The following ATM variants were observed in gnomAD, a reference collection of about 807,000 sequenced individuals.
ATM encodes ATM serine/threonine kinase.
A neutral mutation model predicts 387.0 loss-of-function variants in ATM; 308 were observed. The ratio of observed to expected loss-of-function variants is 0.80; its 90% CI spans 0.73 to 0.87. The LOEUF is 0.87. Among genes scored for constraint, ATM ranks in the 40% least tolerant of loss-of-function variants. ATM has a pLI of 0.00. For missense variants in ATM, 3,312 were observed against 3,560.9 expected (o/e 0.93, Z 1.78); for synonymous variants, 1,156 against 1,187.3 (o/e 0.97, Z 0.54).
intron 1 of ATM, chr11:108,224,236 C>T (rs1374171723): frequency 6.6e-6 from 1 of 152,126 alleles, no homozygotes; most frequent in Admixed American, 6.5e-5. Flanking sequence ...GTGGCTGAAC[C>T]AGGATTTGAA....
intron 56 of ATM, chr11:108,340,373 T>A (rs2087397293): frequency 1.6e-5 from 2 of 126,194 alleles, no homozygotes; most frequent in Non-Finnish European, 3.5e-5. Context: ...ATCTGTAAGA[T>A]AATGTCTGTT....
At chr11:108,259,491 T>C (rs1565400897) in intron 16 of ATM, among the ~76,000 whole-genome samples, 1 of 151,870 alleles carries the variant, frequency 6.6e-6, no homozygotes, top group Non-Finnish European at 1.5e-5. Context: ...ATCTCAAAAA[T>C]AAAAAAATTT....
chr11:108,364,060 A>G (rs563671773), intron 61 of ATM, among the ~76,000 whole-genome samples: 105 of 152,322 alleles, frequency 6.9e-4, no homozygotes, highest in African/African-American at 1.4e-3. Flanking sequence ...GTTTCTCCAC[A>G]GTATTTAATG....
chr11:108,267,495 T>C (rs776915368), intron 17 of ATM, among the ~76,000 whole-genome samples, 153 bp downstream of exon 17: 10 of 152,142 alleles, frequency 6.6e-5, no homozygotes, highest in Non-Finnish European at 1.2e-4. Flanking sequence ...TTATTTTTTT[T>C]TTATTTTTAC....
chr11:108,269,656 C>G (rs1384433988), intron 18 of ATM, among the ~76,000 whole-genome samples: 2 of 152,214 alleles, frequency 1.3e-5, no homozygotes, highest in Non-Finnish European at 2.9e-5. Flanking sequence ...AGCCTCTGGC[C>G]TAGCGAGTAG....
intron 49 of ATM, among the ~76,000 whole-genome samples, chr11:108,329,784 G>C (rs547036396): frequency 3.9e-5 from 6 of 152,280 alleles, no homozygotes; most frequent in African/African-American, 1.4e-4. Context: ...AATAATTCAT[G>C]CTCTGCTTCT....
At position 108,277,319 on chromosome 11, in the gene ATM, C is replaced by T. The variant is rs542691720; in HGVS notation, c.3285-2172C>T. On this transcript the variant is annotated intron_variant, in intron 22 of 62. Coordinates refer to ENST00000675843, the MANE Select transcript of ATM (RefSeq NM_000051.4). ...TGCTGGTCTCCATGGGGGTGGGATC[C>T]GCTGAGCTAGACCACTTGGCTCCCT... is the stretch of plus-strand genomic sequence containing the variant. 1.9e-3 allele frequency among the ~76,000 whole-genome samples: 294 copies of T among 152,262 alleles called. 1 individual carries two copies. Among genetic ancestry groups the T allele is most frequent in the Non-Finnish European group, 3.2e-3 (219 of 68,016 alleles).
chr11:108,299,040 A>G (rs1403677861), intron 33 of ATM, among the ~76,000 whole-genome samples: 2 of 152,208 alleles, frequency 1.3e-5, no homozygotes, highest in Admixed American at 1.3e-4. Context: ...TACAGACCAC[A>G]CTCAACGGGA....
chr11:108,262,087 A>C (rs1354695026), intron 16 of ATM, among the ~76,000 whole-genome samples: 2 of 149,942 alleles, frequency 1.3e-5, no homozygotes, highest in Non-Finnish European at 2.9e-5. Flanking sequence ...GAACTTCCGC[A>C]ATCTAGCAAG....
At chr11:108,262,372 C>T (rs1047233269) in intron 16 of ATM, among the ~76,000 whole-genome samples, 28 of 152,136 alleles carry the variant, frequency 1.8e-4, no homozygotes, top group Non-Finnish European at 2.9e-4. Context: ...AATTTCATGT[C>T]CATCCAAACT....
intron 5 of ATM, among the ~76,000 whole-genome samples, chr11:108,236,808 CAAAG>C (rs1262464985): frequency 6.6e-6 from 1 of 152,010 alleles, no homozygotes; most frequent in African/African-American, 2.4e-5. Flanking sequence ...TGAGAGACCA[CAAAG>C]GAAGGAAGTT....
chr11:108,236,090 A>G (rs1332152945), intron 5 of ATM: 1 of 481,684 alleles, frequency 2.1e-6, no homozygotes, highest in African/African-American at 2.0e-5. Context: ...CTCCATCGTC[A>G]AGGAGTTGAC....
chr11:108,353,741 A>T lies in ATM; in HGVS notation c.8672-25A>T, dbSNP rs2089485836. ...AAGTAAATTAGCTGTCAAACCTCCT[A>T]ACTTCACTGTATTCTTTACTTTAGG... is the stretch of plus-strand genomic sequence containing the variant. On this transcript the variant is annotated intron_variant, in intron 59 of 62. Transcript: ENST00000675843. 3 of 1,555,714 alleles carry T rather than the reference A, an allele frequency of 1.9e-6. No individual in the cohort carries two copies. The East Asian group carries it at 6.7e-5, about 35-fold the overall frequency.
intron 14 of ATM, 29 bp downstream of exon 14, chr11:108,256,369 G>C: frequency 6.3e-7 from 1 of 1,591,248 alleles, no homozygotes; most frequent in East Asian, 2.3e-5. Context: ...ATAAAGTTTC[G>C]GATAAATTTG....
chr11:108,228,732 A>G (rs1009260954), intron 3 of ATM, among the ~76,000 whole-genome samples: 1 of 152,204 alleles, frequency 6.6e-6, no homozygotes, highest in African/African-American at 2.4e-5. Context: ...ATTTTGTATA[A>G]GCTGATCTGG....
intron 15 of ATM, among the ~76,000 whole-genome samples, chr11:108,257,852 T>A (rs1308375829): frequency 1.3e-5 from 2 of 152,194 alleles, no homozygotes; most frequent in African/African-American, 4.8e-5. Context: ...TGTTTTGGTG[T>A]CCACTCGTAA....
At chr11:108,269,136 C>T (rs2081430809) in intron 18 of ATM, among the ~76,000 whole-genome samples, 1 of 152,158 alleles carries the variant, frequency 6.6e-6, no homozygotes, top group African/African-American at 2.4e-5. Context: ...GCTCCTTATA[C>T]TTCAGTGTAT....
intron 45 of ATM, among the ~76,000 whole-genome samples, chr11:108,324,666 A>G (rs1367082868): frequency 6.6e-6 from 1 of 151,594 alleles, no homozygotes; most frequent in African/African-American, 2.4e-5. Context: ...TTGTCATCTT[A>G]CTCTCCCTGC....
intron 7 of ATM, 60 bp from the exon 8 acceptor site, chr11:108,246,904 A>G (rs1237068534): frequency 7.2e-7 from 1 of 1,380,144 alleles, no homozygotes; most frequent in East Asian, 2.3e-5. Flanking sequence ...ATTTTGTGGG[A>G]GCTAGCAGTG....
Sources: allele counts gnomAD v4.1 joint callset (sites outside exome capture counted in the v4.1 genomes callset), GRCh38; gene constraint gnomAD v4.1.1; transcripts MANE v1.5; gene names NCBI Gene and HGNC (gene_info 2026-07-23, HGNC 2026-07-21).